Variants in CSGALNACT1 observed in about 807,000 individuals in gnomAD.
CSGALNACT1 encodes the protein beta4GalNAcT-1.
A neutral mutation model predicts 51.0 loss-of-function variants in CSGALNACT1; 52 were observed. That is an observed-to-expected ratio of 1.02 (90% CI 0.82 to 1.29). The LOEUF is 1.29. CSGALNACT1 is among the 50% of genes most tolerant of loss of function. CSGALNACT1 has a pLI of 0.00. For missense variants in CSGALNACT1, 935 were observed against 679.2 expected (o/e 1.38, Z -4.19); for synonymous variants, 341 against 254.4 (o/e 1.34, Z -3.24).
At chr8:19,667,658 T>G (rs1216809478) in intron 1 of CSGALNACT1, among the ~76,000 whole-genome samples, 1 of 151,360 alleles carries the variant, frequency 6.6e-6, no homozygotes, top group Non-Finnish European at 1.5e-5. Flanking sequence ...CTTGAAACCC[T>G]AAGACTAACG....
At chr8:19,483,848 G>T (rs2072136994) in intron 4 of CSGALNACT1, among the ~76,000 whole-genome samples, 1 of 152,120 alleles carries the variant, frequency 6.6e-6, no homozygotes, top group Non-Finnish European at 1.5e-5. Flanking sequence ...TTCTTCCAAT[G>T]TATTGTCCTT....
chr8:19,718,701 A>C (rs1188944685), intron 1 of CSGALNACT1, among the ~76,000 whole-genome samples: 1 of 152,158 alleles, frequency 6.6e-6, no homozygotes, highest in Non-Finnish European at 1.5e-5. Flanking sequence ...GTTGTTTGCC[A>C]TTTAGCCATC....
chr8:19,655,715 C>T (rs867174244), intron 1 of CSGALNACT1, among the ~76,000 whole-genome samples: 31 of 152,114 alleles, frequency 2.0e-4, no homozygotes, highest in Admixed American at 2.0e-3. Context: ...ACCAACCCAG[C>T]TGCTAGTCTT....
rs116564475 is a variant in CSGALNACT1 at position 19,560,327 on chromosome 8, C to G, written c.-297+30833G>C. Among the ~76,000 whole-genome samples the G allele has an allele frequency of 8.7e-3, 1,318 of 152,216 alleles. 22 individuals carry two copies. Among genetic ancestry groups the G allele is most frequent in the African/African-American group, 0.03 (1,226 of 41,524 alleles). On this transcript the variant is annotated intron_variant, in intron 3 of 9. Coordinates refer to ENST00000454498, the Ensembl canonical transcript of CSGALNACT1. ...TATAAAATATATTCATGACCTTGAG[C>G]TAGGAAAGGACTTCTTTAAAAAGGC...
intron 6 of CSGALNACT1, among the ~76,000 whole-genome samples, chr8:19,427,271 A>G (rs1321138359): frequency 6.6e-6 from 1 of 152,224 alleles, no homozygotes; most frequent in East Asian, 1.9e-4. Flanking sequence ...AATGGTCACA[A>G]TGCAGGCATC....
chr8:19,495,750 T>C (rs1376701989), intron 4 of CSGALNACT1, among the ~76,000 whole-genome samples: 2 of 152,188 alleles, frequency 1.3e-5, no homozygotes, highest in East Asian at 3.9e-4. Context: ...TTTAAAGTCT[T>C]GGCTTTATTT....
chr8:19,596,104 G>A (rs1485907253), intron 2 of CSGALNACT1, among the ~76,000 whole-genome samples: 2 of 152,068 alleles, frequency 1.3e-5, no homozygotes, highest in Non-Finnish European at 2.9e-5. Context: ...CTGAGCTCAA[G>A]CAATTTGTCT....
At chr8:19,717,161 G>A (rs1289356581) in intron 1 of CSGALNACT1, among the ~76,000 whole-genome samples, 1 of 152,212 alleles carries the variant, frequency 6.6e-6, no homozygotes, top group Non-Finnish European at 1.5e-5. Context: ...TTTTGGCAGA[G>A]AGGAGGAATG....
intron 5 of CSGALNACT1, among the ~76,000 whole-genome samples, chr8:19,451,015 T>A (rs111769421): frequency 1.7e-4 from 26 of 152,156 alleles, no homozygotes; most frequent in African/African-American, 6.3e-4. Context: ...TATCAAGGGG[T>A]GCAGTGGGGC....
intron 3 of CSGALNACT1, among the ~76,000 whole-genome samples, chr8:19,541,049 T>C (rs1192682261): frequency 6.6e-6 from 1 of 152,064 alleles, no homozygotes; most frequent in African/African-American, 2.4e-5. Flanking sequence ...TCATGATGCA[T>C]GTGGCAAAAT....
intron 6 of CSGALNACT1, among the ~76,000 whole-genome samples, chr8:19,421,158 G>C (rs2057858260): frequency 6.6e-6 from 1 of 152,206 alleles, no homozygotes; most frequent in South Asian, 2.1e-4. Context: ...CTGAACCTCA[G>C]TTGCCTCATC....
At chr8:19,442,181 A>G (rs1043142559) in intron 5 of CSGALNACT1, among the ~76,000 whole-genome samples, 3 of 152,200 alleles carry the variant, frequency 2.0e-5, no homozygotes, top group African/African-American at 7.2e-5. Context: ...GGGATCTAGA[A>G]CTAGAAATAC....
In CSGALNACT1 at chr8:19,691,954, G is replaced by C. The variant is rs11996231; in HGVS notation, c.-297+65896C>G. Among the ~76,000 whole-genome samples the C allele has an allele frequency of 3.6e-3, 548 of 152,262 alleles. 4 individuals carry two copies. Among genetic ancestry groups the C allele is most frequent in the African/African-American group, 0.013 (535 of 41,548 alleles). ...ATTTCTAAAGAAAAGAGGTTTAATT[G>C]ACTTACAGTTCTTCATGACTGGGGA... On this transcript the variant is annotated intron_variant, in intron 1 of 1. Coordinates refer to the CSGALNACT1 transcript ENST00000517494.
At chr8:19,500,134 A>C (rs539415972) in intron 4 of CSGALNACT1, among the ~76,000 whole-genome samples, 1 of 152,346 alleles carries the variant, frequency 6.6e-6, no homozygotes, top group Non-Finnish European at 1.5e-5. Context: ...ACCTTCTATC[A>C]CACAGGCCTA....
intron 1 of CSGALNACT1, among the ~76,000 whole-genome samples, chr8:19,735,447 A>G (rs868447962): frequency 1.3e-5 from 2 of 152,210 alleles, no homozygotes; most frequent in Non-Finnish European, 2.9e-5. Context: ...TAACATTCCA[A>G]TGACCATAAG....
At chr8:19,650,213 T>C (rs1382980354) in intron 1 of CSGALNACT1, among the ~76,000 whole-genome samples, 5 of 152,314 alleles carry the variant, frequency 3.3e-5, no homozygotes, top group East Asian at 3.9e-4. Context: ...TAAATAAAAG[T>C]ATAATCTGAT....
intron 1 of CSGALNACT1, among the ~76,000 whole-genome samples, chr8:19,632,773 T>C (rs1216960532): frequency 6.6e-6 from 1 of 152,144 alleles, no homozygotes; most frequent in African/African-American, 2.4e-5. Context: ...TTTACTTTTA[T>C]TTGACACAAT....
intron 1 of CSGALNACT1, among the ~76,000 whole-genome samples, chr8:19,647,895 T>G (rs1035977588): frequency 2.0e-5 from 3 of 152,132 alleles, no homozygotes; most frequent in African/African-American, 7.2e-5. Context: ...AATGAGACAT[T>G]TGAATAAAAG....
intron 3 of CSGALNACT1, among the ~76,000 whole-genome samples, chr8:19,547,746 AT>A (rs1323029636): frequency 6.6e-6 from 1 of 152,240 alleles, no homozygotes; most frequent in Non-Finnish European, 1.5e-5. Context: ...TATATCAAGT[AT>A]AATAGTTAAA....
Sources: allele counts gnomAD v4.1 joint callset (sites outside exome capture counted in the v4.1 genomes callset), GRCh38; gene constraint gnomAD v4.1.1; transcripts MANE v1.5; gene names NCBI Gene and HGNC (gene_info 2026-07-23, HGNC 2026-07-21).